CPT1C: variants seen among roughly 807,000 people sequenced by gnomAD.
CPT1C encodes carnitine palmitoyltransferase 1C.
CPT1C carries 61 observed loss-of-function variants against 97.3 expected under a neutral mutation model. The observed-to-expected ratio is 0.63, with a 90% confidence interval of 0.51 to 0.78. The LOEUF (loss-of-function observed/expected upper bound fraction) is 0.78. Ranked by LOEUF, CPT1C falls within the 30% of genes least tolerant of loss-of-function variation. The probability of loss-of-function intolerance (pLI) is 0.00; values close to 1 mark genes in which losing one functional copy is unlikely to be tolerated. For synonymous variants in CPT1C, 469 were observed against 447.2 expected (o/e 1.05, Z -0.61); for missense variants, 975 against 1,065.5 (o/e 0.92, Z 1.18).
At chr19:49,695,945 T>C (rs1229894111) in intron 3 of CPT1C, among the ~76,000 whole-genome samples, 1 of 151,958 alleles carries the variant, frequency 6.6e-6, no homozygotes, top group Non-Finnish European at 1.5e-5. Context: ...AGCAGGATCT[T>C]GGCTCACTGC....
At position 49,705,970 on chromosome 19, in the gene CPT1C, C is replaced by A; in HGVS notation, c.1026C>A (p.Phe342Leu). Residue 342 changes from phenylalanine (F) to leucine (L), a missense_variant, in exon 11 of 20, where the codon TTC becomes TTA. This residue lies in a region of CPT1C where 596 missense variants were observed against 603.1 expected (regional missense o/e 0.99). Coordinates refer to ENST00000598293, the MANE Select transcript of CPT1C (RefSeq NM_001199753.2). ...HVAVFHRGRF[F>L]RMGTHSRNSL... ...CTGTCTTCCACCGGGGCCGATTCTT[C>A]CGCATGGGGACCCACTCCCGAAACA... 2 of 1,614,006 alleles carry A rather than the reference C, an allele frequency of 1.2e-6. No individual in the cohort carries two copies. Among genetic ancestry groups the A allele is most frequent in the South Asian group, 2.2e-5 (2 of 91,064 alleles).
chr19:49,694,965 T>TC (rs2082577860), intron 3 of CPT1C, among the ~76,000 whole-genome samples: 1 of 151,718 alleles, frequency 6.6e-6, no homozygotes, highest in Admixed American at 6.6e-5. Context: ...ACAGTGAAAC[T>TC]CCGTCTCTAC....
intron 2 of CPT1C, 39 bp downstream of exon 2, chr19:49,691,928 G>T (rs188623069): frequency 6.4e-4 from 226 of 351,120 alleles, no homozygotes; most frequent in Non-Finnish European, 9.0e-4. Flanking sequence ...GTAGTCCTGG[G>T]TCGGCGCAAA....
rs749791796 is a variant in CPT1C, at chr19:49,701,530, G to C, written c.589G>C (p.Glu197Gln). 5.6e-6 allele frequency: 9 copies of C among 1,612,002 alleles called. No individual in the cohort carries two copies. The highest frequency in any genetic ancestry group is 7.6e-6 in the Non-Finnish European group (9 of 1,178,780). ...LESVRPILSDEDFDWTAVLAQ... is the reference protein window; with the variant it reads ...LESVRPILSDQDFDWTAVLAQ... ...GTCGGTCCGGCCCATCCTCTCCGAC[G>C]AGGACTTCGACTGGACCGCGGTCCT... The change falls in exon 7 of 20, where the codon GAG becomes CAG. Residue 197 changes from glutamate (E) to glutamine (Q), a missense_variant. Around this residue, in one of 3 missense-constraint regions of CPT1C, gnomAD observed 596 missense variants for 603.1 expected, o/e 0.99. Coordinates refer to ENST00000598293, the MANE Select transcript of CPT1C (RefSeq NM_001199753.2).
chr19:49,701,904 A>T lies in CPT1C; in HGVS notation c.693+270A>T, dbSNP rs1214317914. 8.6e-5 allele frequency among the ~76,000 whole-genome samples: 10 copies of T among 116,332 alleles called. No homozygotes were observed. In the South Asian group the frequency reaches 2.1e-3, roughly 24 times the overall value. The allele number at this position is 116,332 out of a possible 152,430, so 76.3% of individuals were successfully genotyped here. On this transcript the variant is annotated intron_variant, in intron 7 of 19. Coordinates refer to ENST00000598293, the MANE Select transcript of CPT1C (RefSeq NM_001199753.2). ...AATATATATATTTATTTATAAATAT[A>T]TATATTTATATTTATATACAAATAT...
At chr19:49,697,493 A>G (rs748540333) in intron 4 of CPT1C, 28 bp downstream of exon 4, 6 of 1,606,050 alleles carry the variant, frequency 3.7e-6, no homozygotes, top group Non-Finnish European at 5.1e-6. Context: ...CAGCCCAGTA[A>G]CCCCCAATCA....
At chr19:49,696,415 C>A (rs1296924874) in intron 3 of CPT1C, 1 of 152,662 alleles carries the variant, frequency 6.6e-6, no homozygotes, top group Non-Finnish European at 1.5e-5. Flanking sequence ...AGCTCCAGAC[C>A]CTGCTCTGAA....
Position 49,712,756 on chromosome 19 carries a change from G to A in CPT1C, c.2040G>A (p.Gln680=). Residue 680 remains glutamine, a synonymous_variant, in exon 18 of 20, where the codon CAG becomes CAA. Coordinates refer to ENST00000598293, the MANE Select transcript of CPT1C (RefSeq NM_001199753.2). The part of the protein sequence containing the change: ...FLTQVHSEQW[Q]LSTSQIPVQQ... The stretch of plus-strand genomic sequence containing the variant: ...CTCAGGTCCATTCGGAGCAGTGGCA[G>A]CTGTCCACCAGCCAGATCCCTGTTC... The A allele has an allele frequency of 6.2e-7, 1 of 1,613,950 alleles. No homozygotes were observed. Among genetic ancestry groups the A allele is most frequent in the Admixed American group, 1.7e-5 (1 of 60,010 alleles).
chr19:49,703,291 G>C (rs2083292092), intron 7 of CPT1C, among the ~76,000 whole-genome samples: 1 of 148,568 alleles, frequency 6.7e-6, no homozygotes, highest in African/African-American at 2.5e-5. Flanking sequence ...CTCACTGCAA[G>C]CTCTACCTCC....
rs766477074 is a variant in CPT1C, at chr19:49,710,400, C to G, written c.1647C>G (p.Ser549=). The part of the protein sequence containing the change: ...ENVDCHVVPF[S]LFGKSFIRRC... Reference sequence around the variant, plus strand: ...TCGACTGCCATGTCGTTCCATTCTCCCTATTTGGCAAGAGCTTCATCCGAC... The same window carrying G: ...TCGACTGCCATGTCGTTCCATTCTCGCTATTTGGCAAGAGCTTCATCCGAC... Residue 549 remains serine (S), a synonymous_variant, in exon 15 of 20, where the codon TCC becomes TCG. Coordinates refer to ENST00000598293, the MANE Select transcript of CPT1C (RefSeq NM_001199753.2). The G allele has an allele frequency of 3.5e-5, 57 of 1,614,020 alleles. 1 individual carries two copies. Among genetic ancestry groups the G allele is most frequent in the Non-Finnish European group, 4.7e-5 (56 of 1,180,040 alleles).
At position 49,712,977 on chromosome 19, in the gene CPT1C, T is replaced by C. The variant is rs755519608; in HGVS notation, c.2139T>C (p.Asp713=). ...TTCACTCTTTCCGTCTCCAGGCTGATGACCATGGTTATGGTGTTTCTTATA... is the reference window on the plus strand; with the variant it reads ...TTCACTCTTTCCGTCTCCAGGCTGACGACCATGGTTATGGTGTTTCTTATA... ...VSSGGGFGPA[D]DHGYGVSYIF... Residue 713 remains aspartate (D), a synonymous_variant, in exon 19 of 20, where the codon GAT becomes GAC. Transcript: ENST00000598293. The C allele has an allele frequency of 4.3e-6, 7 of 1,613,580 alleles. No individual in the cohort carries two copies. The highest frequency in any genetic ancestry group is 5.9e-6 in the Non-Finnish European group (7 of 1,179,532).
Position 49,712,797 on chromosome 19 carries a change from T to C in CPT1C, c.2081T>C (p.Phe694Ser). 6.2e-7 allele frequency: 1 copy of C among 1,614,064 alleles called. No individual in the cohort carries two copies. The highest frequency in any genetic ancestry group is 8.5e-7 in the Non-Finnish European group (1 of 1,179,990). The change falls in exon 18 of 20, where the codon TTT (phenylalanine) becomes TCT (serine). Residue 694 changes from phenylalanine (F) to serine (S), a missense_variant. Phe to Ser is a radical substitution (Grantham distance 155). Coordinates refer to ENST00000598293, the MANE Select transcript of CPT1C (RefSeq NM_001199753.2). The stretch of plus-strand genomic sequence containing the variant: ...ATCCCTGTTCAGCAAATGCATCTGT[T>C]TGACGTCCACAATTACCCGGACTAT... Reference protein sequence around the residue: ...SQIPVQQMHLFDVHNYPDYVS... With the variant: ...SQIPVQQMHLSDVHNYPDYVS...
At chr19:49,696,883 C>T (rs1199930690) in intron 3 of CPT1C, among the ~76,000 whole-genome samples, 5 of 151,814 alleles carry the variant, frequency 3.3e-5, no homozygotes, top group Non-Finnish European at 7.4e-5. Flanking sequence ...CCGCCTGCCT[C>T]AGCCTCCCAA....
At chr19:49,709,024 C>T (rs2083682381) in intron 14 of CPT1C, among the ~76,000 whole-genome samples, 185 bp downstream of exon 14, 2 of 151,546 alleles carry the variant, frequency 1.3e-5, no homozygotes, top group South Asian at 4.2e-4. Context: ...CAACACGAAC[C>T]TCATCTCCAG....
chr19:49,700,618 G>C, intron 4 of CPT1C, 66 bp from the exon 5 acceptor site: 5 of 1,552,688 alleles, frequency 3.2e-6, no homozygotes, highest in Non-Finnish European at 4.4e-6. Flanking sequence ...GGCTGGAGGG[G>C]GCTGGAAGGG....
At chr19:49,704,053 T>A (rs561451836) in intron 7 of CPT1C, among the ~76,000 whole-genome samples, 1 of 152,358 alleles carries the variant, frequency 6.6e-6, no homozygotes, top group Admixed American at 6.5e-5. Context: ...TGCTTTCTTT[T>A]GTGTTTTTCA....
Position 49,713,488 on chromosome 19 carries a change from A to G in CPT1C, c.2295A>G (p.Gly765=), listed in dbSNP as rs779825941. ...LLDVASLFQA[G]QHFKRRFRGS... ...ATGTGGCCTCCCTGTTCCAGGCGGG[A>G]CAGCATTTTAAGCGCCGGTTCAGAG... is the stretch of plus-strand genomic sequence containing the variant. Residue 765 remains glycine, a synonymous_variant, in exon 20 of 20, where the codon GGA becomes GGG. Coordinates refer to ENST00000598293, the MANE Select transcript of CPT1C (RefSeq NM_001199753.2). The G allele has an allele frequency of 1.2e-6, 2 of 1,614,178 alleles. No homozygotes were observed. Among genetic ancestry groups the G allele is most frequent in the South Asian group, 1.1e-5 (1 of 91,088 alleles).
Position 49,713,521 on chromosome 19 carries a change from G to A in CPT1C, c.2328G>A (p.Gly776=), listed in dbSNP as rs746194239. The stretch of plus-strand genomic sequence containing the variant: ...TTAAGCGCCGGTTCAGAGGGTCAGG[G>A]AAGGAGAACTCCAGGCACAGGTGTG... The part of the protein sequence containing the change: ...QHFKRRFRGS[G]KENSRHRCGF... Residue 776 remains glycine (G), a synonymous_variant, in exon 20 of 20, where the codon GGG becomes GGA. Coordinates refer to ENST00000598293, the MANE Select transcript of CPT1C (RefSeq NM_001199753.2). The A allele has an allele frequency of 5.0e-6, 8 of 1,614,230 alleles. No individual in the cohort carries two copies. The highest frequency in any genetic ancestry group is 6.8e-6 in the Non-Finnish European group (8 of 1,180,050).
intron 12 of CPT1C, 148 bp from the exon 13 acceptor site, chr19:49,707,370 C>T: frequency 1.6e-6 from 1 of 629,366 alleles, no homozygotes; most frequent in South Asian, 1.9e-5. Flanking sequence ...CTACTGGGGA[C>T]CCCCAATGGT....
Sources: allele counts gnomAD v4.1 joint callset (sites outside exome capture counted in the v4.1 genomes callset), GRCh38; gene constraint gnomAD v4.1.1; regional missense constraint gnomAD v4.1.1; transcripts MANE v1.5; gene names NCBI Gene and HGNC (gene_info 2026-07-23, HGNC 2026-07-21).